The following LDLRAD4 variants were observed in gnomAD, a reference collection of about 807,000 sequenced individuals.
LDLRAD4 encodes low-density lipoprotein receptor class A domain-containing protein 4.
A neutral mutation model predicts 17.0 loss-of-function variants in LDLRAD4; 5 were observed. The observed-to-expected ratio is 0.29, with a 90% CI of 0.15 to 0.62. LDLRAD4 has a LOEUF of 0.62. LDLRAD4 is among the 20% of genes least tolerant of loss of function. LDLRAD4 has a pLI of 0.84. For missense variants in LDLRAD4, 340 were observed against 424.7 expected, an observed-to-expected ratio of 0.80 and a Z score of 1.75; for synonymous variants, 168 against 171.8, an observed-to-expected ratio of 0.98 and a Z score of 0.17.
intron 3 of LDLRAD4, among the ~76,000 whole-genome samples, chr18:13,458,864 A>G (rs1364140595): frequency 6.6e-6 from 1 of 152,236 alleles, no homozygotes; most frequent in Non-Finnish European, 1.5e-5. Flanking sequence ...AAGGGGCCTC[A>G]AGCCAAGGAA....
At chr18:13,372,112 T>A (rs1433881101) in intron 1 of LDLRAD4, among the ~76,000 whole-genome samples, 1 of 152,264 alleles carries the variant, frequency 6.6e-6, no homozygotes, top group Non-Finnish European at 1.5e-5. Flanking sequence ...TAGTTTACCA[T>A]ATATTTCATC....
intron 3 of LDLRAD4, among the ~76,000 whole-genome samples, chr18:13,443,435 G>A (rs1007044005): frequency 2.0e-5 from 3 of 152,124 alleles, no homozygotes; most frequent in Non-Finnish European, 2.9e-5. Flanking sequence ...AATGCCAGAC[G>A]CTTCTATTTT....
At position 13,300,551 on chromosome 18, in the gene LDLRAD4, C is replaced by T. The variant is rs764101312; in HGVS notation, c.-383+22363C>T. Among the ~76,000 whole-genome samples, 14 of 152,232 alleles carry T rather than the reference C, an allele frequency of 9.2e-5. No individual in the cohort carries two copies. The highest frequency in any genetic ancestry group is 1.6e-4 in the Non-Finnish European group (11 of 68,050). On this transcript the variant is annotated intron_variant, in intron 1 of 5. Coordinates refer to ENST00000359446, the Ensembl canonical transcript of LDLRAD4. The surrounding 1 kb of genome is among the most constrained non-coding windows in gnomAD (Gnocchi z 4.2). ...CTGGGCCTGTCCCGGTAGAGATACCCGGAACCCTCTCCTTCTCCTGGCTTA... is the reference window on the plus strand; with the variant it reads ...CTGGGCCTGTCCCGGTAGAGATACCTGGAACCCTCTCCTTCTCCTGGCTTA...
rs879727708 is a variant in LDLRAD4 at position 13,480,731 on chromosome 18, A to G, written c.181+42347A>G. ...TGCTGTGAACCTAAAACTTCTCTAAAAATTAAGTCATAAATTCTGACTGGA... is the reference window on the plus strand; with the variant it reads ...TGCTGTGAACCTAAAACTTCTCTAAGAATTAAGTCATAAATTCTGACTGGA... On this transcript the variant is annotated intron_variant, in intron 3 of 5. Coordinates refer to ENST00000359446, the Ensembl canonical transcript of LDLRAD4. Among the ~76,000 whole-genome samples the G allele has an allele frequency of 5.9e-5, 9 of 152,312 alleles. 1 individual carries two copies. Among genetic ancestry groups the G allele is most frequent in the South Asian group, 2.1e-4 (1 of 4,826 alleles).
At chr18:13,499,094 G>A (rs2093557206) in intron 3 of LDLRAD4, among the ~76,000 whole-genome samples, 1 of 147,490 alleles carries the variant, frequency 6.8e-6, no homozygotes, top group African/African-American at 2.5e-5. Flanking sequence ...GTGGACACTG[G>A]AGAATCCTTC....
At chr18:13,315,699 G>C (rs2080892123) in intron 1 of LDLRAD4, among the ~76,000 whole-genome samples, 1 of 151,536 alleles carries the variant, frequency 6.6e-6, no homozygotes, top group South Asian at 2.1e-4. Flanking sequence ...CAGGAGAATG[G>C]CTTGAACCTG....
intron 1 of LDLRAD4, among the ~76,000 whole-genome samples, chr18:13,283,852 T>C (rs1420094537): frequency 6.6e-6 from 1 of 152,164 alleles, no homozygotes; most frequent in African/African-American, 2.4e-5. Context: ...GACTTACAGT[T>C]CCACATGGCT....
In LDLRAD4 at chr18:13,456,825, A is replaced by C. The variant is rs115624896; in HGVS notation, c.181+18441A>C. Among the ~76,000 whole-genome samples, 664 of 152,376 alleles carry C rather than the reference A, an allele frequency of 4.4e-3. 5 individuals carry two copies. The highest frequency in any genetic ancestry group is 0.015 in the African/African-American group (630 of 41,598). On this transcript the variant is annotated intron_variant, in intron 3 of 5. Coordinates refer to ENST00000359446, the Ensembl canonical transcript of LDLRAD4. ...CTTCAGGCTCAGTAAATCATAGGTC[A>C]GCAGAACAATGCCACCCATTTTTCT...
At chr18:13,573,517 G>A (rs1393720664) in intron 3 of LDLRAD4, among the ~76,000 whole-genome samples, 2 of 152,256 alleles carry the variant, frequency 1.3e-5, no homozygotes, top group East Asian at 3.8e-4. Flanking sequence ...TGGGATTACA[G>A]GTGTGAGCCA....
At chr18:13,558,217 G>A (rs1051461264) in intron 3 of LDLRAD4, among the ~76,000 whole-genome samples, 1 of 152,214 alleles carries the variant, frequency 6.6e-6, no homozygotes. Context: ...CTGTATCGGA[G>A]GAGTGGGCTG....
chr18:13,371,325 G>A (rs954617250), intron 1 of LDLRAD4, among the ~76,000 whole-genome samples: 1 of 152,196 alleles, frequency 6.6e-6, no homozygotes, highest in Admixed American at 6.5e-5. Flanking sequence ...GCTGCCCCAG[G>A]AAGCCCAGTG....
At chr18:13,280,759 G>A (rs1195327706) in intron 1 of LDLRAD4, among the ~76,000 whole-genome samples, 2 of 152,178 alleles carry the variant, frequency 1.3e-5, no homozygotes, top group African/African-American at 4.8e-5. Flanking sequence ...CCTCTCTTTT[G>A]GTTTTCTTCT....
At chr18:13,614,075 T>C (rs1226189282) in intron 3 of LDLRAD4, 2 of 151,770 alleles carry the variant, frequency 1.3e-5, no homozygotes, top group African/African-American at 4.8e-5. Flanking sequence ...TCAGGAAGTG[T>C]TTGGGAGAAT....
intron 1 of LDLRAD4, among the ~76,000 whole-genome samples, chr18:13,316,141 T>C (rs936288496): frequency 1.3e-5 from 2 of 152,092 alleles, no homozygotes; most frequent in Non-Finnish European, 2.9e-5. Context: ...CAAGAAACTT[T>C]ACAAACTCCA....
intron 1 of LDLRAD4, among the ~76,000 whole-genome samples, chr18:13,349,998 G>GTA (rs974334362): frequency 1.1e-4 from 17 of 152,178 alleles, no homozygotes; most frequent in African/African-American, 4.1e-4. Context: ...ATTCCATGGT[G>GTA]TATATGTACC....
chr18:13,370,716 T>TTTTTTTTTTTTTTG, intron 1 of LDLRAD4, among the ~76,000 whole-genome samples: 1 of 8,866 alleles, frequency 1.1e-4, no homozygotes, highest in Admixed American at 1.6e-3. Flanking sequence ...TTGTTTTGTT[T>TTTTTTTTTTTTTTG]TTTTTTTTTT....
chr18:13,252,329 A>AGGC (rs2043264270), intron 1 of LDLRAD4, among the ~76,000 whole-genome samples: 1 of 152,068 alleles, frequency 6.6e-6, no homozygotes, highest in Non-Finnish European at 1.5e-5. Flanking sequence ...GGGTTTCATC[A>AGGC]TGTTGGTCAG....
chr18:13,458,772 C>T (rs1286078478), intron 3 of LDLRAD4, among the ~76,000 whole-genome samples: 1 of 152,226 alleles, frequency 6.6e-6, no homozygotes, highest in African/African-American at 2.4e-5. Context: ...GTGCTCAGAA[C>T]CAGAGGTGAC....
rs569628082 is a variant in LDLRAD4, at chr18:13,575,912, A to C, written c.182-45205A>C. ...ACTCATGTCCTCAGCCCAGTTTTTG[A>C]TGGGATTGTTTGTTATTTTTTCTTG... On this transcript the variant is annotated intron_variant, in intron 3 of 5. Coordinates refer to ENST00000359446, the Ensembl canonical transcript of LDLRAD4. Among the ~76,000 whole-genome samples, 94 of 152,104 alleles carry C rather than the reference A, an allele frequency of 6.2e-4. 2 individuals are homozygous for C. In the South Asian group the frequency reaches 0.019, roughly 31 times the overall value.
Sources: gnomAD v4.1 joint callset for allele counts (sites outside exome capture counted in the v4.1 genomes callset) on GRCh38, gnomAD v4.1.1 for gene constraint, Gnocchi (gnomAD v3.1) non-coding constraint, MANE v1.5 for transcripts, NCBI Gene and HGNC (gene_info 2026-07-23, HGNC 2026-07-21) for gene names.